Variants in NFATC3 observed in about 807,000 individuals in gnomAD.
NFATC3 encodes nuclear factor of activated T-cells, cytoplasmic 3.
Under a neutral mutation model 98.6 loss-of-function variants are expected in NFATC3, and 46 were observed. The ratio of observed to expected loss-of-function variants is 0.47; its 90% CI spans 0.37 to 0.60. NFATC3 has a LOEUF of 0.60. Ranked by LOEUF, NFATC3 falls within the 20% of genes least tolerant of loss-of-function variation. The pLI is 0.00. For synonymous variants in NFATC3, 512 were observed against 472.2 expected, an observed-to-expected ratio of 1.08 and a Z score of -1.09; for missense variants, 1,256 against 1,295.5, an observed-to-expected ratio of 0.97 and a Z score of 0.47.
intron 3 of NFATC3, among the ~76,000 whole-genome samples, chr16:68,128,081 TTA>T (rs1191119889): frequency 6.6e-6 from 1 of 152,164 alleles, no homozygotes; most frequent in Non-Finnish European, 1.5e-5. Context: ...TTTGTTGCCT[TTA>T]TATACTAAAA....
rs751739901 is a variant in NFATC3, at chr16:68,132,891, G to A, written c.1401+6281G>A. Reference sequence around the variant, plus strand: ...AGGGAAGTAAGGATGGGGAGAAGTTGGTCAATGGATACAAAATTACAGCTA... The same window carrying A: ...AGGGAAGTAAGGATGGGGAGAAGTTAGTCAATGGATACAAAATTACAGCTA... On this transcript the variant is annotated intron_variant, in intron 3 of 9. Coordinates refer to ENST00000346183, the MANE Select transcript of NFATC3 (RefSeq NM_173165.3). Among the ~76,000 whole-genome samples the A allele has an allele frequency of 9.4e-4, 143 of 152,222 alleles. 1 individual carries two copies. Among genetic ancestry groups the A allele is most frequent in the Middle Eastern group, 3.4e-3 (1 of 294 alleles).
chr16:68,156,764 C>T lies in NFATC3; in HGVS notation c.1402-1105C>T, dbSNP rs140610499. 5.5e-3 allele frequency among the ~76,000 whole-genome samples: 842 copies of T among 152,164 alleles called. 1 individual carries two copies. The highest frequency in any genetic ancestry group is 0.01 in the Non-Finnish European group (681 of 68,008). Reference sequence around the variant, plus strand: ...GATCGCCCTGGCCAGCATGGTGAAACCCCATCTGTACTAAAAATACAAAAA... The same window carrying T: ...GATCGCCCTGGCCAGCATGGTGAAATCCCATCTGTACTAAAAATACAAAAA... On this transcript the variant is annotated intron_variant, in intron 3 of 9. Transcript: ENST00000346183.
At chr16:68,212,462 C>T (rs1402691318) in intron 9 of NFATC3, 1 of 152,102 alleles carries the variant, frequency 6.6e-6, no homozygotes, top group Non-Finnish European at 1.5e-5. Flanking sequence ...AGAATAATTC[C>T]TTATAGGCAA....
chr16:68,228,671 TAAAG>T lies in NFATC3; in HGVS notation c.*2202_*2205del, dbSNP rs1359355276. The T allele has an allele frequency of 6.5e-6, 1 of 152,680 alleles. No individual in the cohort carries two copies. Among genetic ancestry groups the T allele is most frequent in the African/African-American group, 2.4e-5 (1 of 41,464 alleles). The allele number at this position is 152,680 out of a possible 1,614,324, so 9.5% of individuals were successfully genotyped here. A position where few individuals can be genotyped will look rare whatever the true frequency, so the allele number is the denominator to read the frequency against. ...AGTCAATATTTTTTGGCTTTGTAGA[TAAAG>T]ACTTAAATTTTTGTGCAACATAGTG... is the stretch of plus-strand genomic sequence containing the variant. On this transcript the variant is annotated 3_prime_UTR_variant, in exon 10 of 10. Coordinates refer to ENST00000346183, the MANE Select transcript of NFATC3 (RefSeq NM_173165.3).
At chr16:68,120,130 A>T (rs1034508681) in intron 1 of NFATC3, among the ~76,000 whole-genome samples, 3 of 151,442 alleles carry the variant, frequency 2.0e-5, no homozygotes, top group African/African-American at 7.3e-5. Context: ...AAAAAAAAAA[A>T]AATTGCTGGG....
At chr16:68,219,413 T>C (rs1794702117) in intron 9 of NFATC3, among the ~76,000 whole-genome samples, 1 of 151,928 alleles carries the variant, frequency 6.6e-6, no homozygotes, top group African/African-American at 2.4e-5. Flanking sequence ...AAAAAATAAA[T>C]TAGCTGGTCT....
At chr16:68,119,181 A>G (rs916915969) in intron 1 of NFATC3, among the ~76,000 whole-genome samples, 6 of 152,160 alleles carry the variant, frequency 3.9e-5, no homozygotes, top group Middle Eastern at 3.4e-3. Context: ...CTGTGTTTTT[A>G]ATAATAGTTC....
intron 9 of NFATC3, among the ~76,000 whole-genome samples, chr16:68,203,999 C>A (rs1031897612): frequency 2.0e-5 from 3 of 152,052 alleles, no homozygotes; most frequent in Non-Finnish European, 4.4e-5. Flanking sequence ...ACCAGGCTAG[C>A]CAACATGGTG....
intron 3 of NFATC3, among the ~76,000 whole-genome samples, chr16:68,139,161 A>T (rs140867413): frequency 2.0e-5 from 3 of 152,198 alleles, no homozygotes; most frequent in Non-Finnish European, 4.4e-5. Flanking sequence ...AGTAAGTGCT[A>T]TATTGGAAAT....
chr16:68,085,852 C>G, intron 1 of NFATC3, 68 bp downstream of exon 1: 1 of 1,214,662 alleles, frequency 8.2e-7, no homozygotes, highest in South Asian at 1.7e-5. Flanking sequence ...CTCGCTCCCT[C>G]CCTGTTCCCT....
chr16:68,138,797 A>AGTGTGCCTT, intron 3 of NFATC3: 2 of 1,258,032 alleles, frequency 1.6e-6, no homozygotes, highest in Non-Finnish European at 2.1e-6. Context: ...TTTGGTGGTT[A>AGTGTGCCTT]GTGTGCCTTC....
Position 68,174,531 on chromosome 16 carries a change from T to G in NFATC3, c.1915+17T>G. The G allele has an allele frequency of 6.5e-7, 1 of 1,543,918 alleles. No homozygotes were observed. Among genetic ancestry groups the G allele is most frequent in the Non-Finnish European group, 8.7e-7 (1 of 1,146,896 alleles). ...AAGGACAAGGTAAGTAATATATGAG[T>G]TGATTGACTTCAAACTAAGGGGCAA... is the stretch of plus-strand genomic sequence containing the variant. On this transcript the variant is annotated intron_variant, in intron 6 of 9. Coordinates refer to ENST00000346183, the MANE Select transcript of NFATC3 (RefSeq NM_173165.3).
At chr16:68,106,927 C>A (rs118167006) in intron 1 of NFATC3, among the ~76,000 whole-genome samples, 1 of 152,080 alleles carries the variant, frequency 6.6e-6, no homozygotes, top group Non-Finnish European at 1.5e-5. Flanking sequence ...CCCCCACCCC[C>A]AGACAGGCCC....
intron 3 of NFATC3, among the ~76,000 whole-genome samples, chr16:68,133,246 C>T (rs2037209158): frequency 6.6e-6 from 1 of 152,162 alleles, no homozygotes; most frequent in South Asian, 2.1e-4. Flanking sequence ...GCCTGGGCAG[C>T]AGAGTGAGAC....
chr16:68,104,653 G>GTTTTTTTTTTTTTTTTTTTT lies in NFATC3; in HGVS notation c.104-17318_104-17317insTTTTTTTTTTTTTTTTTTTT, dbSNP rs778016298. 3.1e-3 allele frequency among the ~76,000 whole-genome samples: 394 copies of GTTTTTTTTTTTTTTTTTTTT among 126,628 alleles called. 17 individuals are homozygous for GTTTTTTTTTTTTTTTTTTTT. Among genetic ancestry groups the GTTTTTTTTTTTTTTTTTTTT allele is most frequent in the African/African-American group, 0.011 (364 of 31,804 alleles). 83.1% of individuals were successfully genotyped at this position (126,628 alleles called of 152,430 possible). A position where few individuals can be genotyped will look rare whatever the true frequency, so the allele number is the denominator to read the frequency against. Reference sequence around the variant, plus strand: ...GTTAGCTGTGGGCTTTTCACAAATGGTTTTTTTTTTTTTTTTGAAATGGAG... The same window carrying GTTTTTTTTTTTTTTTTTTTT: ...GTTAGCTGTGGGCTTTTCACAAATGGTTTTTTTTTTTTTTTTTTTTTTTTTTTTTTTTTTTTGAAATGGAG... On this transcript the variant is annotated intron_variant, in intron 1 of 9. Coordinates refer to ENST00000346183, the MANE Select transcript of NFATC3 (RefSeq NM_173165.3).
chr16:68,156,220 C>T (rs757590991), intron 3 of NFATC3, among the ~76,000 whole-genome samples: 4 of 152,120 alleles, frequency 2.6e-5, no homozygotes, highest in East Asian at 1.9e-4. Flanking sequence ...GAGGCTGAGG[C>T]AGGAGAATCG....
chr16:68,200,131 C>T (rs761565226), intron 9 of NFATC3: 5 of 151,968 alleles, frequency 3.3e-5, no homozygotes, highest in Non-Finnish European at 1.5e-5. Flanking sequence ...ATCTCTTTCC[C>T]AGTCTTAAAA....
chr16:68,226,919 A>AAAAAAAAAAAAAAAG lies in NFATC3; in HGVS notation c.*452_*453insAAAAAAAAAAGAAAA, dbSNP rs2042050363. The stretch of plus-strand genomic sequence containing the variant: ...AAGCAAAAAAAAAAAAAAAAAAAAA[A>AAAAAAAAAAAAAAAG]AAAAGAAAAAAAAAGAAAAGAAAAA... On this transcript the variant is annotated 3_prime_UTR_variant, in exon 10 of 10. Coordinates refer to ENST00000346183, the MANE Select transcript of NFATC3 (RefSeq NM_173165.3). 8.5e-6 allele frequency: 1 copy of AAAAAAAAAAAAAAAG among 118,130 alleles called. No individual in the cohort carries two copies. Among genetic ancestry groups the AAAAAAAAAAAAAAAG allele is most frequent in the African/African-American group, 2.6e-5 (1 of 37,948 alleles). 7.3% of individuals were successfully genotyped at this position (118,130 alleles called of 1,614,324 possible). A position where few individuals can be genotyped will look rare whatever the true frequency, so the allele number is the denominator to read the frequency against.
chr16:68,218,819 G>A (rs1034894412), intron 9 of NFATC3, among the ~76,000 whole-genome samples: 22 of 151,364 alleles, frequency 1.5e-4, no homozygotes, highest in Admixed American at 1.1e-3. Flanking sequence ...TGATCCGCCC[G>A]CCTCGGCCTC....
Sources: gnomAD v4.1 joint callset for allele counts (sites outside exome capture counted in the v4.1 genomes callset) on GRCh38, gnomAD v4.1.1 for gene constraint, MANE v1.5 for transcripts, NCBI Gene and HGNC (gene_info 2026-07-23, HGNC 2026-07-21) for gene names.